ADAMTS6: variants seen among roughly 807,000 people sequenced by gnomAD.
ADAMTS6 encodes the protein ADAM metallopeptidase with thrombospondin type 1 motif 6.
Under a neutral mutation model 144.3 loss-of-function variants are expected in ADAMTS6, and 23 were observed. That is an observed-to-expected ratio of 0.16 (90% CI 0.11 to 0.23). ADAMTS6 has a LOEUF of 0.23. Ranked by LOEUF, ADAMTS6 falls within the 10% of genes least tolerant of loss-of-function variation. ADAMTS6 has a pLI of 1.00. For missense variants in ADAMTS6, 999 were observed against 1,379.6 expected, an observed-to-expected ratio of 0.72 and a Z score of 4.37; for synonymous variants, 444 against 457.5, an observed-to-expected ratio of 0.97 and a Z score of 0.38.
intron 23 of ADAMTS6, among the ~76,000 whole-genome samples, 194 bp from the exon 24 acceptor site, chr5:65,170,967 G>A (rs984938286): frequency 1.3e-5 from 2 of 151,026 alleles, no homozygotes; most frequent in African/African-American, 2.4e-5. Context: ...GCCTCCCAAA[G>A]TGCTGGGATT....
chr5:65,456,173 G>A (rs1001161418), intron 4 of ADAMTS6, among the ~76,000 whole-genome samples: 1 of 151,944 alleles, frequency 6.6e-6, no homozygotes, highest in Non-Finnish European at 1.5e-5. Context: ...ACTTCTTAAT[G>A]TTAAGCTTAA....
chr5:65,321,708 C>CTTTTTTTTT (rs529236363), intron 9 of ADAMTS6, among the ~76,000 whole-genome samples: 12 of 78,886 alleles, frequency 1.5e-4, no homozygotes, highest in East Asian at 4.4e-4. Context: ...TTTTCTTTTC[C>CTTTTTTTTT]TTTTTTTTTT....
chr5:65,263,047 C>A (rs1761330543), intron 12 of ADAMTS6, 85 bp from the exon 13 acceptor site: 1 of 1,540,154 alleles, frequency 6.5e-7, no homozygotes, highest in Non-Finnish European at 8.9e-7. Context: ...CAGGTACTGA[C>A]CAACTATAGG....
At chr5:65,241,913 T>C (rs1759223061) in intron 15 of ADAMTS6, among the ~76,000 whole-genome samples, 191 bp downstream of exon 15, 2 of 152,212 alleles carry the variant, frequency 1.3e-5, no homozygotes, top group Non-Finnish European at 2.9e-5. Flanking sequence ...TGTACTAATA[T>C]ATAAACCTTA....
At chr5:65,312,679 G>A (rs1744613180) in intron 9 of ADAMTS6, among the ~76,000 whole-genome samples, 1 of 151,938 alleles carries the variant, frequency 6.6e-6, no homozygotes, top group South Asian at 2.1e-4. Context: ...GATCACATTT[G>A]GTATAAGCAC....
rs986795847 is a variant in ADAMTS6 at position 65,428,284 on chromosome 5, G to A, written c.1073+23191C>T. ...TTTTATTACATTTTCCTTGTTTTAA[G>A]AAATCATTTGTGAAACAGGACAAAT... On this transcript the variant is annotated intron_variant, in intron 7 of 24. Coordinates refer to ENST00000381055, the MANE Select transcript of ADAMTS6 (RefSeq NM_197941.4). Among the ~76,000 whole-genome samples, 39 of 142,600 alleles carry A rather than the reference G, an allele frequency of 2.7e-4. 1 individual carries two copies. The highest frequency in any genetic ancestry group is 3.8e-3 in the Middle Eastern group (1 of 266). The allele number at this position is 142,600 out of a possible 152,430, so 93.6% of individuals were successfully genotyped here.
At chr5:65,406,365 G>C (rs1327886816) in intron 7 of ADAMTS6, among the ~76,000 whole-genome samples, 1 of 152,028 alleles carries the variant, frequency 6.6e-6, no homozygotes, top group Non-Finnish European at 1.5e-5. Context: ...AAGGGGTGTT[G>C]AATTTTGTCA....
At chr5:65,245,544 A>G (rs1444149922) in intron 14 of ADAMTS6, among the ~76,000 whole-genome samples, 7 of 152,168 alleles carry the variant, frequency 4.6e-5, no homozygotes, top group Admixed American at 2.6e-4. Flanking sequence ...CCTGCATTAA[A>G]TTCCCTCTAT....
intron 7 of ADAMTS6, among the ~76,000 whole-genome samples, chr5:65,344,593 C>A (rs182656304): frequency 6.8e-4 from 103 of 151,918 alleles, no homozygotes; most frequent in African/African-American, 2.4e-3. Context: ...TTCACTGATA[C>A]AAAATTAATC....
intron 7 of ADAMTS6, among the ~76,000 whole-genome samples, chr5:65,379,729 C>A (rs1258681928): frequency 6.6e-6 from 1 of 151,848 alleles, no homozygotes; most frequent in Admixed American, 6.6e-5. Flanking sequence ...CGATACCTGG[C>A]AAACAGTGTC....
At position 65,403,309 on chromosome 5, in the gene ADAMTS6, T is replaced by C. The variant is rs182216935; in HGVS notation, c.1073+48166A>G. On this transcript the variant is annotated intron_variant, in intron 7 of 24. Transcript: ENST00000381055. ...GAAACACTTCTTTTCTGAACATACA[T>C]TTACTTCCTGTATGATCTCATCTAG... Among the ~76,000 whole-genome samples, 10 of 152,256 alleles carry C rather than the reference T, an allele frequency of 6.6e-5. No homozygotes were observed. In the East Asian group the frequency reaches 1.9e-3, roughly 29 times the overall value.
intron 9 of ADAMTS6, among the ~76,000 whole-genome samples, chr5:65,319,617 T>C (rs1317508920): frequency 6.9e-6 from 1 of 145,440 alleles, no homozygotes; most frequent in Non-Finnish European, 1.5e-5. Context: ...ATTGTGCCAC[T>C]GCACTCCAGC....
chr5:65,362,025 G>A (rs1460248792), intron 7 of ADAMTS6, among the ~76,000 whole-genome samples: 1 of 152,182 alleles, frequency 6.6e-6, no homozygotes, highest in Admixed American at 6.5e-5. Context: ...GAGAGCCACT[G>A]CAGACGGCCT....
At chr5:65,301,526 G>C (rs1399401092) in intron 9 of ADAMTS6, among the ~76,000 whole-genome samples, 1 of 152,158 alleles carries the variant, frequency 6.6e-6, no homozygotes, top group Admixed American at 6.5e-5. Flanking sequence ...TTGTAAGTAA[G>C]AGCAATGGAA....
intron 7 of ADAMTS6, among the ~76,000 whole-genome samples, chr5:65,374,860 T>C (rs889149313): frequency 2.0e-5 from 3 of 152,250 alleles, no homozygotes; most frequent in Admixed American, 6.5e-5. Context: ...CTTCAAACTA[T>C]ACTACAAGGC....
At chr5:65,469,166 AAATT>A (rs1760244947) in intron 3 of ADAMTS6, among the ~76,000 whole-genome samples, 1 of 152,196 alleles carries the variant, frequency 6.6e-6, no homozygotes, top group South Asian at 2.1e-4. Context: ...AGGAAAGAAA[AAATT>A]AATAGGATGC....
intron 9 of ADAMTS6, among the ~76,000 whole-genome samples, chr5:65,317,096 C>T (rs1012564930): frequency 6.6e-6 from 1 of 152,126 alleles, no homozygotes; most frequent in Non-Finnish European, 1.5e-5. Flanking sequence ...AGCCACTGCG[C>T]CTGGCTGACA....
chr5:65,246,286 G>A (rs949643883), intron 14 of ADAMTS6, among the ~76,000 whole-genome samples: 1 of 152,096 alleles, frequency 6.6e-6, no homozygotes, highest in Non-Finnish European at 1.5e-5. Context: ...GCTTTCCTAC[G>A]GGCACATCAT....
chr5:65,452,411 C>T (rs78862183), intron 5 of ADAMTS6, among the ~76,000 whole-genome samples, 195 bp from the exon 6 acceptor site: 85 of 150,018 alleles, frequency 5.7e-4, no homozygotes, highest in African/African-American at 2.1e-3. Context: ...ATATTTCCTC[C>T]TAGACATGAA....
Sources: gnomAD v4.1 joint callset for allele counts (sites outside exome capture counted in the v4.1 genomes callset) on GRCh38, gnomAD v4.1.1 for gene constraint, MANE v1.5 for transcripts, NCBI Gene and HGNC (gene_info 2026-07-23, HGNC 2026-07-21) for gene names.